The following CACNA1G variants were observed in gnomAD, a reference collection of about 807,000 sequenced individuals.
The protein encoded by CACNA1G is calcium voltage-gated channel subunit alpha1 G.
CACNA1G carries 67 observed loss-of-function variants against 219.4 expected under a neutral mutation model. The ratio of observed to expected loss-of-function variants is 0.31; its 90% CI spans 0.25 to 0.37. CACNA1G has a LOEUF of 0.37. CACNA1G is among the 10% of genes least tolerant of loss of function. The probability of loss-of-function intolerance (pLI) is 1.00; values close to 1 mark genes in which losing one functional copy is unlikely to be tolerated. For missense variants in CACNA1G, 2,380 were observed against 3,231.4 expected, an observed-to-expected ratio of 0.74 and a Z score of 6.39; for synonymous variants, 1,296 against 1,345.3, an observed-to-expected ratio of 0.96 and a Z score of 0.80.
At chr17:50,585,174 C>T (rs2042759785) in intron 9 of CACNA1G, among the ~76,000 whole-genome samples, 1 of 152,156 alleles carries the variant, frequency 6.6e-6, no homozygotes. Context: ...GAGATGGAAT[C>T]CTGATCTGCC....
At chr17:50,598,951 C>A (rs1248493169) in intron 16 of CACNA1G, among the ~76,000 whole-genome samples, 1 of 152,140 alleles carries the variant, frequency 6.6e-6, no homozygotes, top group African/African-American at 2.4e-5. Context: ...TGGTTTCGAG[C>A]TCCTGGCCTC....
chr17:50,600,455 T>C lies in CACNA1G; in HGVS notation c.3691-271T>C, dbSNP rs983336727. 1.4e-5 allele frequency among the ~76,000 whole-genome samples: 1 copy of C among 71,338 alleles called. No homozygotes were observed. Among genetic ancestry groups the C allele is most frequent in the African/African-American group, 5.4e-5 (1 of 18,554 alleles). 46.8% of individuals were successfully genotyped at this position (71,338 alleles called of 152,430 possible). On this transcript the variant is annotated intron_variant, in intron 17 of 37. Coordinates refer to ENST00000359106, the MANE Select transcript of CACNA1G (RefSeq NM_018896.5). This position sits in a 1 kb window ranked among gnomAD's most constrained non-coding sequence, Gnocchi z 4.1. ...CAGGGGGCTGGGCTGGAGGCAGGGG[T>C]GGGGAGAGGGGAGAGCGGGGTTGGG...
intron 1 of CACNA1G, among the ~76,000 whole-genome samples, chr17:50,568,553 G>A (rs1021477023): frequency 6.6e-5 from 10 of 152,212 alleles, no homozygotes; most frequent in Admixed American, 1.3e-4. Context: ...GCAAACTCAT[G>A]GTGTCTGGCA....
intron 24 of CACNA1G, chr17:50,607,486 C>T (rs1376533377): frequency 1.0e-5 from 3 of 285,976 alleles, no homozygotes; most frequent in African/African-American, 8.7e-5. Context: ...GAACAAGACC[C>T]TGTCTCTAAA....
Position 50,599,789 on chromosome 17 carries a change from G to C in CACNA1G, c.3620G>C (p.Arg1207Pro), listed in dbSNP as rs545668335. 1 of 1,613,002 alleles carries C rather than the reference G, an allele frequency of 6.2e-7. No homozygotes were observed. Among genetic ancestry groups the C allele is most frequent in the African/African-American group, 1.3e-5 (1 of 75,076 alleles). Residue 1207 changes from arginine to proline, a missense_variant, in exon 17 of 38, where the codon CGC becomes CCC. Transcript: ENST00000359106. ...TGCAATGGCAAGTCGGCTTCAGGGC[G>C]CCTGGCCCGGGCCCTGCGGCCTGAT... is the stretch of plus-strand genomic sequence containing the variant. ...QDCNGKSASG[R>P]LARALRPDDP...
rs183227820 is a variant in CACNA1G, at chr17:50,620,554, G to C, written c.5925+728G>C. Among the ~76,000 whole-genome samples the C allele has an allele frequency of 2.6e-5, 4 of 152,068 alleles. No homozygotes were observed. The East Asian group carries it at 5.8e-4, about 22-fold the overall frequency. On this transcript the variant is annotated intron_variant, in intron 34 of 37. Coordinates refer to ENST00000359106, the MANE Select transcript of CACNA1G (RefSeq NM_018896.5). ...CCCCTCCCCTTGATCCCCTCACCAC[G>C]ACCCACTACCACGTGAGAGAGGGCC...
Position 50,620,991 on chromosome 17 carries a change from G to T in CACNA1G, c.5926-669G>T, listed in dbSNP as rs147088721. 6.6e-5 allele frequency among the ~76,000 whole-genome samples: 10 copies of T among 152,322 alleles called. No homozygotes were observed. In the East Asian group the frequency reaches 1.5e-3, roughly 24 times the overall value. On this transcript the variant is annotated intron_variant, in intron 34 of 37. Transcript: ENST00000359106. ...GGGTCCCAGGTGAGCCAGCCAGATG[G>T]TGTGGCAGCCCACCCGAGTGCGCCC...
rs551564905 is a variant in CACNA1G, at chr17:50,574,923, T to C, written c.1141-620T>C. Among the ~76,000 whole-genome samples, 6 of 152,070 alleles carry C rather than the reference T, an allele frequency of 3.9e-5. No individual in the cohort carries two copies. The South Asian group carries it at 1.2e-3, about 32-fold the overall frequency. ...GGTCAAGGGTTCAGCCCCTCCCACA[T>C]CTGAGGGAGGGGGGCACAGGGAAAA... On this transcript the variant is annotated intron_variant, in intron 7 of 37. Transcript: ENST00000359106.
Position 50,561,396 on chromosome 17 carries a change from C to T in CACNA1G, c.-64C>T, listed in dbSNP as rs1166560466. 5.2e-6 allele frequency: 8 copies of T among 1,531,466 alleles called. No homozygotes were observed. Among genetic ancestry groups the T allele is most frequent in the Non-Finnish European group, 5.2e-6 (6 of 1,145,232 alleles). The allele number at this position is 1,531,466 out of a possible 1,614,324, so 94.9% of individuals were successfully genotyped here. A position where few individuals can be genotyped will look rare whatever the true frequency, so the allele number is the denominator to read the frequency against. On this transcript the variant is annotated 5_prime_UTR_variant, in exon 1 of 38. Transcript: ENST00000359106. ...CCGGGGCCCCCGGGTTGCGTGAGGA[C>T]ACCTCCTCTGAGGGGCGCCGCTTGC...
intron 9 of CACNA1G, among the ~76,000 whole-genome samples, chr17:50,589,894 TTCTC>T (rs35679930): frequency 5.0e-5 from 7 of 138,922 alleles, no homozygotes; most frequent in African/African-American, 1.7e-4. Flanking sequence ...GCGTGCATTT[TTCTC>T]TCTCTCTCTC....
At chr17:50,589,257 C>T (rs2240221) in intron 9 of CACNA1G, among the ~76,000 whole-genome samples, 65,248 of 151,910 alleles carry the variant, frequency 0.43, 15,013 homozygotes, top group East Asian at 0.88. Flanking sequence ...CCCCGTGCCA[C>T]ACCACCTAGA....
At chr17:50,624,324 T>TGCCCCCCCCCCCCCCCCCCCGG in intron 36 of CACNA1G, 36 bp from the exon 37 acceptor site, 3 of 1,177,656 alleles carry the variant, frequency 2.5e-6, no homozygotes, top group Non-Finnish European at 3.7e-6. Context: ...CTCCATTCTC[T>TGCCCCCCCCCCCCCCCCCCCGG]CCCCCCACCC....
intron 1 of CACNA1G, among the ~76,000 whole-genome samples, chr17:50,566,017 A>G (rs1470726197): frequency 6.6e-6 from 1 of 152,100 alleles, no homozygotes; most frequent in Non-Finnish European, 1.5e-5. Flanking sequence ...CATAGTCACT[A>G]TGGCAACCAG....
intron 26 of CACNA1G, among the ~76,000 whole-genome samples, chr17:50,612,243 C>T (rs1196436632): frequency 1.3e-5 from 2 of 152,244 alleles, no homozygotes; most frequent in East Asian, 3.8e-4. Flanking sequence ...AACACGTGCA[C>T]CGCACCTCCC....
At chr17:50,620,807 T>A (rs1175387498) in intron 34 of CACNA1G, among the ~76,000 whole-genome samples, 1 of 152,196 alleles carries the variant, frequency 6.6e-6, no homozygotes, top group Non-Finnish European at 1.5e-5. Flanking sequence ...CCTAGAATGA[T>A]CAGTGGGAAA....
In CACNA1G at chr17:50,573,062, G is replaced by A. The variant is rs753712999; in HGVS notation, c.1089G>A (p.Val363=). 2 of 1,579,402 alleles carry A rather than the reference G, an allele frequency of 1.3e-6. No homozygotes were observed. Among genetic ancestry groups the A allele is most frequent in the South Asian group, 2.3e-5 (2 of 86,334 alleles). ...LEGWVDIMYF[V]MDAHSFYNFI... ...GCTGGGTCGACATCATGTACTTTGT[G>A]ATGGATGCTCATTCCTTCTACAATT... Residue 363 remains valine, a synonymous_variant, in exon 7 of 38, where the codon GTG becomes GTA. Coordinates refer to ENST00000359106, the MANE Select transcript of CACNA1G (RefSeq NM_018896.5).
At position 50,575,629 on chromosome 17, in the gene CACNA1G, G is replaced by A. The variant is rs2040482559; in HGVS notation, c.1227G>A (p.Met409Ile). The A allele has an allele frequency of 5.6e-6, 9 of 1,613,762 alleles. No homozygotes were observed. The South Asian group carries it at 7.7e-5, about 14-fold the overall frequency. The stretch of plus-strand genomic sequence containing the variant: ...CCAAGCAGCGGGAAAGCCAGCTGAT[G>A]CGGGAGCAGCGTGTGCGGTTCCTGT... ...SETKQRESQL[M>I]REQRVRFLSN... Residue 409 changes from methionine to isoleucine, a missense_variant, in exon 8 of 38, where the codon ATG becomes ATA. This residue lies in a region of CACNA1G where 72 missense variants were observed against 175.8 expected (regional missense o/e 0.41). Transcript: ENST00000359106.
chr17:50,572,573 G>T lies in CACNA1G; in HGVS notation c.766G>T (p.Glu256Ter). 1 of 1,561,076 alleles carries T rather than the reference G, an allele frequency of 6.4e-7. No homozygotes were observed. The highest frequency in any genetic ancestry group is 2.3e-5 in the East Asian group (1 of 42,656). Reference protein sequence around the residue: ...NFSLPLSVDLERYYQTENEDE... With the variant: ...NFSLPLSVDL ...CTGCAGCCCCCTGAGCGTGGACCTG[G>T]AGCGCTATTACCAGACAGAGAACGA... Residue 256 changes from glutamate (E) to a stop codon, truncating the protein, a stop_gained, in exon 6 of 38, where the codon GAG (glutamate) becomes TAG (stop). Transcript: ENST00000359106. LOFTEE classifies it high-confidence loss of function.
chr17:50,623,289 T>TTTA (rs2052669255), intron 35 of CACNA1G, among the ~76,000 whole-genome samples: 1 of 143,918 alleles, frequency 6.9e-6, no homozygotes, highest in African/African-American at 2.6e-5. Flanking sequence ...TTTTTTTTTT[T>TTTA]TTTTTAGAAA....
Sources: allele counts gnomAD v4.1 joint callset (sites outside exome capture counted in the v4.1 genomes callset), GRCh38; gene constraint gnomAD v4.1.1; regional missense constraint gnomAD v4.1.1; non-coding constraint Gnocchi (gnomAD v3.1); transcripts MANE v1.5; gene names NCBI Gene and HGNC (gene_info 2026-07-23, HGNC 2026-07-21).